Variants in TNS3 observed in about 807,000 individuals in gnomAD.
The protein encoded by TNS3 is tensin 3.
In TNS3, 45 loss-of-function variants were observed where a neutral mutation model predicts 140.9. The observed-to-expected ratio is 0.32, with a 90% CI of 0.25 to 0.41. The LOEUF is 0.41. TNS3 is among the 10% of genes least tolerant of loss of function. The pLI, the probability that TNS3 is intolerant of heterozygous loss-of-function variation, is 1.00. For synonymous variants in TNS3, 815 were observed against 788.4 expected (o/e 1.03, Z -0.56); for missense variants, 1,716 against 1,906.7 (o/e 0.90, Z 1.86).
At chr7:47,292,054 T>C (rs763798823) in intron 26 of TNS3, 22 bp from the exon 27 acceptor site, 28 of 1,612,264 alleles carry the variant, frequency 1.7e-5, no homozygotes, top group Non-Finnish European at 2.1e-5. Flanking sequence ...GGCAAGAAAA[T>C]ACAGAAATGA....
In TNS3 at chr7:47,303,459, G is replaced by T; in HGVS notation, c.2948C>A (p.Pro983Gln). The T allele has an allele frequency of 6.2e-7, 1 of 1,612,462 alleles. No individual in the cohort carries two copies. ...AEFSGTRKDS[P>Q]VLSCFPPSEL... ...TGACGGCGGGAAGCAGGACAGCACT[G>T]GGGAGTCCTTCCTGGTACCGGAGAA... The change falls in exon 22 of 31, where the codon CCA becomes CAA. Residue 983 changes from proline (P) to glutamine (Q), a missense_variant. Pro to Gln is a moderately conservative substitution (Grantham distance 76, BLOSUM62 -1). Coordinates refer to ENST00000311160, the MANE Select transcript of TNS3 (RefSeq NM_022748.12).
intron 13 of TNS3, 109 bp from the exon 14 acceptor site, chr7:47,401,023 T>G: frequency 1.3e-6 from 2 of 1,492,246 alleles, no homozygotes; most frequent in South Asian, 2.5e-5. Context: ...CCCTCTGGAC[T>G]CTGGCTGGGA....
At chr7:47,396,718 G>T in intron 16 of TNS3, 82 bp downstream of exon 16, 1 of 1,211,452 alleles carries the variant, frequency 8.3e-7, no homozygotes, top group Non-Finnish European at 1.2e-6. Flanking sequence ...TTAGCAGACT[G>T]CAAAATACTT....
intron 1 of TNS3, among the ~76,000 whole-genome samples, chr7:47,554,519 T>G (rs1462447660): frequency 2.0e-5 from 3 of 152,166 alleles, no homozygotes; most frequent in Non-Finnish European, 2.9e-5. Flanking sequence ...ATTGTCAATA[T>G]TAACAGGAGT....
intron 1 of TNS3, among the ~76,000 whole-genome samples, chr7:47,569,601 C>T (rs1800507411): frequency 6.6e-6 from 1 of 151,906 alleles, no homozygotes; most frequent in South Asian, 2.1e-4. Context: ...CGTCTGTAAT[C>T]CTAACACTTT....
chr7:47,353,127 C>G (rs908092937), intron 17 of TNS3, among the ~76,000 whole-genome samples: 1 of 152,226 alleles, frequency 6.6e-6, no homozygotes, highest in Non-Finnish European at 1.5e-5. Context: ...TACCTCTGCA[C>G]TGCCAGCTCA....
intron 8 of TNS3, among the ~76,000 whole-genome samples, chr7:47,430,205 G>A (rs746150452): frequency 3.3e-5 from 5 of 149,884 alleles, no homozygotes; most frequent in East Asian, 2.0e-4. Flanking sequence ...CTTGGCTCAC[G>A]GCAACCTCCA....
chr7:47,562,385 C>CT (rs11348830), intron 1 of TNS3, among the ~76,000 whole-genome samples: 8 of 143,962 alleles, frequency 5.6e-5, no homozygotes, highest in Admixed American at 2.1e-4. Flanking sequence ...CATCTGCTGC[C>CT]TTTTTTTTTT....
chr7:47,325,975 G>A (rs540331431), intron 20 of TNS3, among the ~76,000 whole-genome samples: 3 of 152,210 alleles, frequency 2.0e-5, no homozygotes, highest in Non-Finnish European at 2.9e-5. Context: ...GAACCATGCG[G>A]ATTATCAGAT....
rs371978654 is a variant in TNS3 at position 47,369,334 on chromosome 7, C to T, written c.1312G>A (p.Gly438Arg). 1.9e-5 allele frequency: 31 copies of T among 1,614,088 alleles called. No homozygotes were observed. In the African/African-American group the frequency reaches 3.9e-4, roughly 20 times the overall value. Residue 438 changes from glycine to arginine, a missense_variant, in exon 17 of 31, where the codon GGA (glycine) becomes AGA (arginine). Transcript: ENST00000311160. ...LLSGFGLEDP[G>R]SSLKEMTDAR... ...TCAGTCATTTCCTTGAGGGAGCTTC[C>T]AGGATCTTCCAGGCCAAAGCCACTG... is the stretch of plus-strand genomic sequence containing the variant.
intron 10 of TNS3, among the ~76,000 whole-genome samples, chr7:47,422,228 G>A (rs796869931): frequency 5.9e-5 from 9 of 152,312 alleles, no homozygotes; most frequent in African/African-American, 1.9e-4. Context: ...ACCTTGGAAT[G>A]TAAAATTGAA....
rs1241113145 is a variant in TNS3 at position 47,369,161 on chromosome 7, G to T, written c.1485C>A (p.Thr495=). ...ACTGAGGCCCTTCCGAGGAGGACAG[G>T]GTCCCAAGGCTGTCCACACTGTGCA... ...HDLHSVDSLG[T]LSSSEGPQSA... is the part of the protein sequence containing the mutation. Residue 495 remains threonine, a synonymous_variant, in exon 17 of 31, where the codon ACC becomes ACA. Coordinates refer to ENST00000311160, the MANE Select transcript of TNS3 (RefSeq NM_022748.12). 3.1e-6 allele frequency: 5 copies of T among 1,614,022 alleles called. No homozygotes were observed. The highest frequency in any genetic ancestry group is 4.2e-6 in the Non-Finnish European group (5 of 1,180,056).
intron 2 of TNS3, among the ~76,000 whole-genome samples, chr7:47,510,768 G>C (rs1046152828): frequency 6.6e-6 from 1 of 151,572 alleles, no homozygotes; most frequent in African/African-American, 2.4e-5. Flanking sequence ...CCAGCTACTT[G>C]GGAGGCTGAG....
chr7:47,307,059 G>A (rs553702789), intron 20 of TNS3, among the ~76,000 whole-genome samples: 2 of 152,194 alleles, frequency 1.3e-5, no homozygotes, highest in East Asian at 3.9e-4. Context: ...ACAAAAAACT[G>A]GATATGCTTA....
chr7:47,309,685 T>C (rs935671376), intron 20 of TNS3, among the ~76,000 whole-genome samples: 13 of 152,218 alleles, frequency 8.5e-5, no homozygotes, highest in African/African-American at 3.1e-4. Context: ...GAATGTTAGA[T>C]TGTTCACTGC....
chr7:47,565,953 G>A (rs1282977994), intron 1 of TNS3, among the ~76,000 whole-genome samples: 4 of 152,148 alleles, frequency 2.6e-5, no homozygotes, highest in African/African-American at 4.8e-5. Context: ...CATGATATGC[G>A]TGGATTACTG....
At chr7:47,468,266 C>A (rs1796805008) in intron 4 of TNS3, among the ~76,000 whole-genome samples, 1 of 152,084 alleles carries the variant, frequency 6.6e-6, no homozygotes, top group South Asian at 2.1e-4. Flanking sequence ...CATGATGAAA[C>A]CCCGTCTCTA....
intron 20 of TNS3, among the ~76,000 whole-genome samples, chr7:47,321,148 G>A (rs1787713512): frequency 6.6e-6 from 1 of 152,226 alleles, no homozygotes; most frequent in Non-Finnish European, 1.5e-5. Context: ...GCCCGAGGAG[G>A]GAGATGATGC....
At position 47,275,979 on chromosome 7, in the gene TNS3, G is replaced by A; in HGVS notation, c.*2097C>T. The A allele has an allele frequency of 9.7e-6, 4 of 414,008 alleles. No individual in the cohort carries two copies. The highest frequency in any genetic ancestry group is 3.5e-5 in the South Asian group (2 of 57,064). The allele number at this position is 414,008 out of a possible 1,614,324, so 25.6% of individuals were successfully genotyped here. A position where few individuals can be genotyped will look rare whatever the true frequency, so the allele number is the denominator to read the frequency against. On this transcript the variant is annotated 3_prime_UTR_variant, in exon 31 of 31. Coordinates refer to ENST00000311160, the MANE Select transcript of TNS3 (RefSeq NM_022748.12). ...TCTCATCCTTCATCAGAAGGATAAG[G>A]AACCTGGCCTGCACTCTTTGGGTTA...
Sources: allele counts gnomAD v4.1 joint callset (sites outside exome capture counted in the v4.1 genomes callset), GRCh38; gene constraint gnomAD v4.1.1; transcripts MANE v1.5; gene names NCBI Gene and HGNC (gene_info 2026-07-23, HGNC 2026-07-21).